The following KANK1 variants were observed in gnomAD, a reference collection of about 807,000 sequenced individuals.
The protein encoded by KANK1 is KN motif and ankyrin repeat domains 1, also known as KN motif and ankyrin repeat domain-containing protein 1.
Under a neutral mutation model 106.2 loss-of-function variants are expected in KANK1, and 109 were observed. The ratio of observed to expected loss-of-function variants is 1.03; its 90% CI spans 0.88 to 1.20. The LOEUF is 1.20. Among genes scored for constraint, KANK1 ranks in the 50% most tolerant of loss-of-function variants. KANK1 has a pLI of 0.00. For synonymous variants in KANK1, 873 were observed against 652.2 expected, an observed-to-expected ratio of 1.34 and a Z score of -5.16; for missense variants, 2,399 against 1,710.7, an observed-to-expected ratio of 1.40 and a Z score of -7.10.
At chr9:726,093 T>C (rs61040206) in intron 3 of KANK1, among the ~76,000 whole-genome samples, 11,421 of 152,222 alleles carry the variant, frequency 0.075, 994 homozygotes, top group African/African-American at 0.2. Context: ...ATATAATTAT[T>C]TACTAATGCC....
At chr9:520,112 T>C (rs2059477433) in intron 1 of KANK1, among the ~76,000 whole-genome samples, 1 of 151,654 alleles carries the variant, frequency 6.6e-6, no homozygotes, top group African/African-American at 2.4e-5. Flanking sequence ...CTGAGGTGGA[T>C]AGATCGCTTG....
At chr9:649,285 G>C (rs1013064311) in intron 1 of KANK1, among the ~76,000 whole-genome samples, 7 of 152,024 alleles carry the variant, frequency 4.6e-5, no homozygotes, top group Non-Finnish European at 1.0e-4. Context: ...CAGTTTGCCT[G>C]TCCTGGTTTA....
intron 1 of KANK1, among the ~76,000 whole-genome samples, chr9:632,050 CG>C (rs1444525995): frequency 6.6e-6 from 1 of 152,134 alleles, no homozygotes; most frequent in Non-Finnish European, 1.5e-5. Flanking sequence ...TCCCTGTCTC[CG>C]TAGCATTGTG....
rs540323396 is a variant in KANK1 at position 640,838 on chromosome 9, A to G, written c.-83-36052A>G. Among the ~76,000 whole-genome samples, 136 of 151,668 alleles carry G rather than the reference A, an allele frequency of 9.0e-4. 2 individuals carry two copies. The highest frequency in any genetic ancestry group is 3.0e-3 in the African/African-American group (123 of 41,252). Reference sequence around the variant, plus strand: ...TGGCCTCCCGAGTAGCTGGACCTACATGTGCCCGCCACCAGGCCCAGCTAA... The same window carrying G: ...TGGCCTCCCGAGTAGCTGGACCTACGTGTGCCCGCCACCAGGCCCAGCTAA... On this transcript the variant is annotated intron_variant, in intron 1 of 11. Transcript: ENST00000382297.
chr9:658,036 G>A (rs927777369), intron 1 of KANK1, among the ~76,000 whole-genome samples: 1 of 151,922 alleles, frequency 6.6e-6, no homozygotes, highest in East Asian at 1.9e-4. Context: ...ACCATACCCA[G>A]TTCCATTCTG....
intron 1 of KANK1, among the ~76,000 whole-genome samples, chr9:652,694 C>T (rs1489500042): frequency 1.3e-5 from 2 of 152,086 alleles, no homozygotes; most frequent in Non-Finnish European, 2.9e-5. Flanking sequence ...TACAAAGGAA[C>T]ATTTGGGAAG....
chr9:616,922 C>G (rs1038999250), intron 1 of KANK1, among the ~76,000 whole-genome samples: 4 of 152,148 alleles, frequency 2.6e-5, no homozygotes, highest in African/African-American at 9.7e-5. Context: ...GTCACAATGC[C>G]ACACCCGAGT....
At position 632,681 on chromosome 9, in the gene KANK1, G is replaced by GTGTTT. The variant is rs967511330; in HGVS notation, c.-83-44192_-83-44188dup. Among the ~76,000 whole-genome samples, 46 of 152,106 alleles carry GTGTTT rather than the reference G, an allele frequency of 3.0e-4. 1 individual carries two copies. The highest frequency in any genetic ancestry group is 3.4e-3 in the Middle Eastern group (1 of 292). On this transcript the variant is annotated intron_variant, in intron 1 of 11. Transcript: ENST00000382297. The stretch of plus-strand genomic sequence containing the variant: ...TGATCCTCATGAGATAATGAGAGTG[G>GTGTTT]TGTTTTGTTTTGTTTTGTTTTTCTT...
chr9:622,490 A>G (rs2361094), intron 1 of KANK1, among the ~76,000 whole-genome samples: 38,552 of 152,118 alleles, frequency 0.25, 5,053 homozygotes, highest in Admixed American at 0.33. Flanking sequence ...AGAATACGCA[A>G]TGGGGGAAAG....
chr9:530,680 G>A (rs1424529374), intron 1 of KANK1, among the ~76,000 whole-genome samples: 1 of 152,166 alleles, frequency 6.6e-6, no homozygotes, highest in Non-Finnish European at 1.5e-5. Context: ...TGTCAGTTTT[G>A]TAGTGGTATT....
At chr9:605,542 A>C (rs1419683994) in intron 1 of KANK1, among the ~76,000 whole-genome samples, 1 of 151,764 alleles carries the variant, frequency 6.6e-6, no homozygotes, top group Non-Finnish European at 1.5e-5. Flanking sequence ...CAGCCTGGGC[A>C]AAGGTGTAGA....
intron 3 of KANK1, among the ~76,000 whole-genome samples, chr9:490,793 C>G (rs2058365062): frequency 6.6e-6 from 1 of 152,166 alleles, no homozygotes; most frequent in East Asian, 1.9e-4. Flanking sequence ...GTGCCAGGGA[C>G]TATGAGTAAA....
chr9:597,781 A>G (rs1826595307), intron 1 of KANK1, among the ~76,000 whole-genome samples: 1 of 151,510 alleles, frequency 6.6e-6, no homozygotes, highest in Non-Finnish European at 1.5e-5. Flanking sequence ...CTCCTGCCTC[A>G]GCCTCCTGGG....
chr9:741,778 C>T (rs1053124456), intron 9 of KANK1, among the ~76,000 whole-genome samples: 10 of 152,110 alleles, frequency 6.6e-5, no homozygotes, highest in African/African-American at 1.7e-4. Context: ...TGAGCTACTG[C>T]GCCAGCCCCT....
intron 1 of KANK1, among the ~76,000 whole-genome samples, chr9:532,672 A>G (rs1301105959): frequency 6.6e-6 from 1 of 152,170 alleles, no homozygotes; most frequent in Admixed American, 6.5e-5. Context: ...TGGCGTGAGC[A>G]TCTTATTTGC....
chr9:713,031 G>A lies in KANK1; in HGVS notation c.2265G>A (p.Lys755=), dbSNP rs569223530. 1.2e-6 allele frequency: 2 copies of A among 1,614,204 alleles called. No individual in the cohort carries two copies. Among genetic ancestry groups the A allele is most frequent in the East Asian group, 2.2e-5 (1 of 44,888 alleles). The part of the protein sequence containing the change: ...HSGFDRPSAV[K]TKESGVGQIN... ...GGTTTGACAGGCCATCAGCTGTGAA[G>A]ACCAAAGAGTCAGGTGTGGGGCAGA... Residue 755 remains lysine, a synonymous_variant, in exon 3 of 12, where the codon AAG becomes AAA. Transcript: ENST00000382297.
rs553355441 is a variant in KANK1 at position 688,688 on chromosome 9, T to C, written c.37+11679T>C. Among the ~76,000 whole-genome samples, 25 of 152,230 alleles carry C rather than the reference T, an allele frequency of 1.6e-4. 1 individual carries two copies. Among genetic ancestry groups the C allele is most frequent in the African/African-American group, 6.0e-4 (25 of 41,526 alleles). On this transcript the variant is annotated intron_variant, in intron 2 of 11. Transcript: ENST00000382297. ...GAGAGGTGACCAGGTATGTTGTGGC[T>C]GTCTTAAGGGGAAGATTATTGTCAG...
At chr9:599,471 A>G (rs2135801735) in intron 1 of KANK1, among the ~76,000 whole-genome samples, 1 of 151,934 alleles carries the variant, frequency 6.6e-6, no homozygotes, top group South Asian at 2.1e-4. Flanking sequence ...TTTATATACA[A>G]ACATACTTTC....
At chr9:486,991 T>A (rs2058304621) in intron 3 of KANK1, among the ~76,000 whole-genome samples, 1 of 152,244 alleles carries the variant, frequency 6.6e-6, no homozygotes, top group African/African-American at 2.4e-5. Context: ...TTTAATGTAA[T>A]TTAATATGAA....
Sources: gnomAD v4.1 joint callset for allele counts (sites outside exome capture counted in the v4.1 genomes callset) on GRCh38, gnomAD v4.1.1 for gene constraint, MANE v1.5 for transcripts, NCBI Gene and HGNC (gene_info 2026-07-23, HGNC 2026-07-21) for gene names.